CCDC122: variants seen among roughly 807,000 people sequenced by gnomAD.
CCDC122 encodes coiled-coil domain-containing protein 122.
In CCDC122, 38 loss-of-function variants were observed where a neutral mutation model predicts 37.0. That is an observed-to-expected ratio of 1.03 (90% confidence interval 0.79 to 1.35). CCDC122 has a LOEUF of 1.35. Among genes scored for constraint, CCDC122 ranks in the 40% most tolerant of loss-of-function variants. CCDC122 has a pLI of 0.00. For missense variants in CCDC122, 305 were observed against 310.0 expected (o/e 0.98, Z 0.12); for synonymous variants, 83 against 95.6 (o/e 0.87, Z 0.77).
intron 4 of CCDC122, among the ~76,000 whole-genome samples, chr13:43,862,293 T>A (rs1954131302): frequency 6.6e-6 from 1 of 152,182 alleles, no homozygotes; most frequent in Non-Finnish European, 1.5e-5. Flanking sequence ...ATATGTATAG[T>A]TCCTTCCGAC....
chr13:43,876,968 GGGCGTGGT>G (rs1227415869), intron 1 of CCDC122, among the ~76,000 whole-genome samples: 1 of 151,990 alleles, frequency 6.6e-6, no homozygotes, highest in Non-Finnish European at 1.5e-5. Flanking sequence ...AAAATTAGCC[GGGCGTGGT>G]GGTGCACGCC....
At chr13:43,846,666 T>A (rs1014340808) in intron 6 of CCDC122, among the ~76,000 whole-genome samples, 3 of 152,192 alleles carry the variant, frequency 2.0e-5, no homozygotes, top group Non-Finnish European at 2.9e-5. Context: ...AATTGGGCAG[T>A]TGCTGTAGTG....
At chr13:43,819,079 T>C (rs1240009919), downstream of CCDC122, among the ~76,000 whole-genome samples, 1 of 152,200 alleles carries the variant, frequency 6.6e-6, no homozygotes, top group Non-Finnish European at 1.5e-5. Context: ...TTTAAACATA[T>C]GAACGATGTT....
rs553318500 is a variant in CCDC122 at position 43,858,781 on chromosome 13, C to T, written c.672G>A (p.Glu224=). The part of the protein sequence containing the change: ...KTHEKLRKEI[E]VQHKRYDAIL... ...TGAAATCTAGATAATTAAGACTTAC[C>T]TCTATTTCTTTTCTTAATTTTTCAT... The change falls in exon 6 of 7, where the codon GAG becomes GAA. Residue 224 remains glutamate, a splice_region_variant and synonymous_variant. Coordinates refer to ENST00000444614, the MANE Select transcript of CCDC122 (RefSeq NM_144974.5). 1.9e-5 allele frequency: 27 copies of T among 1,407,852 alleles called. No homozygotes were observed. The highest frequency in any genetic ancestry group is 5.1e-5 in the East Asian group (2 of 39,384). The allele number at this position is 1,407,852 out of a possible 1,614,324, so 87.2% of individuals were successfully genotyped here. A position where few individuals can be genotyped will look rare whatever the true frequency, so the allele number is the denominator to read the frequency against.
chr13:43,841,630 C>T lies in CCDC122; in HGVS notation c.673-4201G>A, dbSNP rs531371295. Among the ~76,000 whole-genome samples, 14 of 152,246 alleles carry T rather than the reference C, an allele frequency of 9.2e-5. 1 individual carries two copies. In the South Asian group the frequency reaches 1.0e-3, roughly 11 times the overall value. On this transcript the variant is annotated intron_variant, in intron 6 of 6. Transcript: ENST00000444614. ...TAGGCTGATAGGATTTCTTTCTTTA[C>T]GCATCCTGGATACAAGTCCTTTGTG... is the stretch of plus-strand genomic sequence containing the variant.
At position 43,852,433 on chromosome 13, in the gene CCDC122, AG is replaced by A. The variant is rs1238571113; in HGVS notation, c.672+6347del. 9.6e-4 allele frequency among the ~76,000 whole-genome samples: 146 copies of A among 152,280 alleles called. 3 individuals carry two copies. Among genetic ancestry groups the A allele is most frequent in the Admixed American group, 1.0e-3 (16 of 15,294 alleles). On this transcript the variant is annotated intron_variant, in intron 6 of 6. Transcript: ENST00000444614. ...AAATAAGACAGTCAGACAAGAATAA[AG>A]AAAAAAAGAATGAAAAGGAATGAAC...
Position 43,855,704 on chromosome 13 carries a change from C to G in CCDC122, c.672+3077G>C, listed in dbSNP as rs951016390. 3 of 147,272 alleles carry G rather than the reference C, an allele frequency of 2.0e-5. No homozygotes were observed. In the South Asian group the frequency reaches 6.7e-4, roughly 33 times the overall value. 9.1% of individuals were successfully genotyped at this position (147,272 alleles called of 1,614,324 possible). ...AAATAAAACAAAACAAACAAACAAACAAAAAACATGCTGACAAGGTTGCAG... is the reference window on the plus strand; with the variant it reads ...AAATAAAACAAAACAAACAAACAAAGAAAAAACATGCTGACAAGGTTGCAG... On this transcript the variant is annotated intron_variant, in intron 6 of 6. Coordinates refer to ENST00000444614, the MANE Select transcript of CCDC122 (RefSeq NM_144974.5).
At chr13:43,868,315 G>T (rs954863243) in intron 4 of CCDC122, among the ~76,000 whole-genome samples, 4 of 152,048 alleles carry the variant, frequency 2.6e-5, no homozygotes, top group Non-Finnish European at 5.9e-5. Flanking sequence ...ATAGAGGGAG[G>T]CTACTTGAAA....
intron 3 of CCDC122, among the ~76,000 whole-genome samples, chr13:43,824,798 T>C (rs1953024169): frequency 6.6e-6 from 1 of 152,068 alleles, no homozygotes; most frequent in Admixed American, 6.6e-5. Flanking sequence ...TATGAAAAAA[T>C]GGTCAGCATT....
At chr13:43,846,039 G>T (rs1308234225) in intron 6 of CCDC122, among the ~76,000 whole-genome samples, 1 of 151,804 alleles carries the variant, frequency 6.6e-6, no homozygotes, top group Non-Finnish European at 1.5e-5. Flanking sequence ...TATTTTTATT[G>T]GTTGATTCTA....
At chr13:43,831,375 G>A (rs1157550449), downstream of CCDC122, among the ~76,000 whole-genome samples, 1 of 152,128 alleles carries the variant, frequency 6.6e-6, no homozygotes, top group South Asian at 2.1e-4. Flanking sequence ...GCAAATTGTA[G>A]GCTTGCTATA....
intron 6 of CCDC122, among the ~76,000 whole-genome samples, chr13:43,846,865 A>G (rs1012802981): frequency 1.6e-5 from 2 of 128,488 alleles, no homozygotes; most frequent in Admixed American, 1.7e-4. Context: ...ATGAAGGAGT[A>G]AGAATCCACA....
At chr13:43,852,667 C>G (rs1240690993) in intron 6 of CCDC122, among the ~76,000 whole-genome samples, 1 of 151,862 alleles carries the variant, frequency 6.6e-6, no homozygotes, top group East Asian at 1.9e-4. Flanking sequence ...AGAATAGCAT[C>G]CCCAAGATGC....
At chr13:43,842,908 C>T (rs1262299122) in intron 6 of CCDC122, among the ~76,000 whole-genome samples, 1 of 151,932 alleles carries the variant, frequency 6.6e-6, no homozygotes, top group African/African-American at 2.4e-5. Flanking sequence ...CTTACTGGTT[C>T]TGTTAGTCTT....
At chr13:43,845,227 A>G (rs1483386384) in intron 6 of CCDC122, among the ~76,000 whole-genome samples, 1 of 152,220 alleles carries the variant, frequency 6.6e-6, no homozygotes, top group African/African-American at 2.4e-5. Flanking sequence ...ATGTAAAAAT[A>G]TAAGAACCTT....
chr13:43,853,281 G>C (rs1953803458), intron 6 of CCDC122, among the ~76,000 whole-genome samples: 1 of 151,880 alleles, frequency 6.6e-6, no homozygotes, highest in African/African-American at 2.4e-5. Context: ...CAAAGTAAAG[G>C]GATAGAGGAA....
At chr13:43,872,729 G>C (rs1480306948) in intron 2 of CCDC122, among the ~76,000 whole-genome samples, 1 of 151,958 alleles carries the variant, frequency 6.6e-6, no homozygotes, top group African/African-American at 2.4e-5. Flanking sequence ...TCTTTGAATG[G>C]TCCCTCAACA....
intron 6 of CCDC122, among the ~76,000 whole-genome samples, chr13:43,845,105 CCTTT>C (rs1327668303): frequency 6.6e-6 from 1 of 151,966 alleles, no homozygotes; most frequent in African/African-American, 2.4e-5. Flanking sequence ...TTCATTTCTT[CCTTT>C]GTCTTTCTAG....
chr13:43,864,421 A>G (rs1463611346), intron 4 of CCDC122, among the ~76,000 whole-genome samples: 1 of 152,102 alleles, frequency 6.6e-6, no homozygotes, highest in East Asian at 1.9e-4. Context: ...TGATGGCTGG[A>G]AAGTTCAAGA....
Sources: gnomAD v4.1 joint callset for allele counts (sites outside exome capture counted in the v4.1 genomes callset) on GRCh38, gnomAD v4.1.1 for gene constraint, MANE v1.5 for transcripts, NCBI Gene and HGNC (gene_info 2026-07-23, HGNC 2026-07-21) for gene names.